Variants in PCDHAC2 observed in about 807,000 individuals in gnomAD.
PCDHAC2 encodes protocadherin alpha subfamily C, 2.
In PCDHAC2, 24 loss-of-function variants were observed where a neutral mutation model predicts 63.3. That is an observed-to-expected ratio of 0.38 (90% CI 0.27 to 0.53). The LOEUF (loss-of-function observed/expected upper bound fraction) is 0.53, where lower values mean the gene tolerates loss of function less well. PCDHAC2 is among the 20% of genes least tolerant of loss of function. The pLI, the probability that PCDHAC2 is intolerant of heterozygous loss-of-function variation, is 0.81. For missense variants in PCDHAC2, 1,181 were observed against 1,275.2 expected (o/e 0.93, Z 1.12); for synonymous variants, 569 against 529.4 (o/e 1.07, Z -1.03).
intron 3 of PCDHAC2, among the ~76,000 whole-genome samples, chr5:140,985,402 C>T (rs1554247027): frequency 6.6e-6 from 1 of 152,118 alleles, no homozygotes; most frequent in African/African-American, 2.4e-5. Context: ...CAACTGTTCC[C>T]CTGGAAATGG....
intron 3 of PCDHAC2, among the ~76,000 whole-genome samples, chr5:140,992,848 C>T (rs2097530967): frequency 6.6e-6 from 1 of 152,124 alleles, no homozygotes; most frequent in Non-Finnish European, 1.5e-5. Flanking sequence ...TGTATAACAA[C>T]CAGTTTCACT....
At chr5:140,978,048 C>T (rs2096787371) in intron 1 of PCDHAC2, among the ~76,000 whole-genome samples, 1 of 152,146 alleles carries the variant, frequency 6.6e-6, no homozygotes, top group African/African-American at 2.4e-5. Flanking sequence ...GTGATGGTGA[C>T]TGATGATGTC....
At chr5:140,997,656 T>G (rs2153947694) in intron 3 of PCDHAC2, among the ~76,000 whole-genome samples, 1 of 149,610 alleles carries the variant, frequency 6.7e-6, no homozygotes. Flanking sequence ...GCAATATGTA[T>G]TATTATACAG....
chr5:141,000,417 A>ATTT (rs1563652061), intron 3 of PCDHAC2, among the ~76,000 whole-genome samples: 30 of 77,716 alleles, frequency 3.9e-4, no homozygotes, highest in South Asian at 4.7e-4. Flanking sequence ...ATATATATAT[A>ATTT]TATATTTTTT....
chr5:141,011,662 G>C lies in PCDHAC2; in HGVS notation c.*1725G>C, dbSNP rs1166635893. On this transcript the variant is annotated 3_prime_UTR_variant, in exon 4 of 4. Coordinates refer to ENST00000289269, the MANE Select transcript of PCDHAC2 (RefSeq NM_018899.6). The stretch of plus-strand genomic sequence containing the variant: ...CAAGACTTCTGCTGGCAAGGGAATG[G>C]ATAAAGCTGTTTTGTTCTAGTAACA... 2.0e-5 allele frequency: 3 copies of C among 153,688 alleles called. No homozygotes were observed. Among genetic ancestry groups the C allele is most frequent in the African/African-American group, 7.2e-5 (3 of 41,414 alleles). The allele number at this position is 153,688 out of a possible 1,614,324, so 9.5% of individuals were successfully genotyped here.
At chr5:140,981,666 C>CT (rs1430989347) in intron 2 of PCDHAC2, among the ~76,000 whole-genome samples, 8 of 152,058 alleles carry the variant, frequency 5.3e-5, no homozygotes, top group Non-Finnish European at 1.0e-4. Flanking sequence ...TTCTTCCTTC[C>CT]TTTCTTCCTT....
In PCDHAC2 at chr5:141,007,573, TA is replaced by T. The variant is rs1265481031; in HGVS notation, c.2714-2048del. Among the ~76,000 whole-genome samples, 3 of 151,796 alleles carry T rather than the reference TA, an allele frequency of 2.0e-5. No homozygotes were observed. The East Asian group carries it at 5.8e-4, about 29-fold the overall frequency. On this transcript the variant is annotated intron_variant, in intron 3 of 3. Coordinates refer to ENST00000289269, the MANE Select transcript of PCDHAC2 (RefSeq NM_018899.6). ...ACAGAGCAAGGCTCTATCTCAAATTTAAAAAATAATAATCATGATAATAATA... is the reference window on the plus strand; with the variant it reads ...ACAGAGCAAGGCTCTATCTCAAATTTAAAAATAATAATCATGATAATAATA...
At chr5:140,971,435 T>A (rs1188604248) in intron 1 of PCDHAC2, among the ~76,000 whole-genome samples, 1 of 152,190 alleles carries the variant, frequency 6.6e-6, no homozygotes, top group Non-Finnish European at 1.5e-5. Flanking sequence ...AACCCCAAGA[T>A]CTACAGCTCC....
rs145968482 is a variant in PCDHAC2, at chr5:140,977,336, C to G, written c.2566-1613C>G. Among the ~76,000 whole-genome samples, 133 of 152,262 alleles carry G rather than the reference C, an allele frequency of 8.7e-4. 2 individuals carry two copies. The highest frequency in any genetic ancestry group is 3.9e-4 in the East Asian group (2 of 5,188). On this transcript the variant is annotated intron_variant, in intron 1 of 3. Coordinates refer to ENST00000289269, the MANE Select transcript of PCDHAC2 (RefSeq NM_018899.6). Reference sequence around the variant, plus strand: ...GTGCTCCTGATGGCGAGGGGAGAGACGGTGATGATGACTGATTGATAAAAA... The same window carrying G: ...GTGCTCCTGATGGCGAGGGGAGAGAGGGTGATGATGACTGATTGATAAAAA...
At chr5:140,999,526 C>G (rs1429753507) in intron 3 of PCDHAC2, among the ~76,000 whole-genome samples, 1 of 152,026 alleles carries the variant, frequency 6.6e-6, no homozygotes, top group Non-Finnish European at 1.5e-5. Context: ...TTTGTTACCC[C>G]CTGGATATGA....
chr5:140,979,434 A>G (rs1490433887), intron 2 of PCDHAC2, among the ~76,000 whole-genome samples: 1 of 151,986 alleles, frequency 6.6e-6, no homozygotes, highest in South Asian at 2.1e-4. Context: ...CACATTGGCT[A>G]TTACATCCTA....
At chr5:140,988,169 A>G (rs1384072642) in intron 3 of PCDHAC2, among the ~76,000 whole-genome samples, 3 of 152,128 alleles carry the variant, frequency 2.0e-5, no homozygotes. Flanking sequence ...TGTCATAGCA[A>G]TGACAGTCCT....
At chr5:140,987,990 C>T (rs57614084) in intron 3 of PCDHAC2, among the ~76,000 whole-genome samples, 1 of 152,190 alleles carries the variant, frequency 6.6e-6, no homozygotes, top group African/African-American at 2.4e-5. Context: ...GACTCCATCT[C>T]TGATCCTTCC....
chr5:140,995,498 CTG>C (rs1554254703), intron 3 of PCDHAC2, among the ~76,000 whole-genome samples: 5 of 152,150 alleles, frequency 3.3e-5, no homozygotes, highest in Non-Finnish European at 5.9e-5. Context: ...CTAAGGTTGA[CTG>C]TGGGTAACTG....
rs1357691419 is a variant in PCDHAC2, at chr5:140,966,683, G to A, written c.-84G>A. On this transcript the variant is annotated 5_prime_UTR_variant, in exon 1 of 4. Coordinates refer to ENST00000289269, the MANE Select transcript of PCDHAC2 (RefSeq NM_018899.6). ...GGAGCAGGCGCAGGGTGGCACGAGC[G>A]GAGGCGGGGCCCGGGCGTGGGGCAC... The A allele has an allele frequency of 7.5e-7, 1 of 1,331,590 alleles. No individual in the cohort carries two copies. 82.5% of individuals were successfully genotyped at this position (1,331,590 alleles called of 1,614,324 possible).
chr5:140,989,552 G>A (rs975079697), intron 3 of PCDHAC2, among the ~76,000 whole-genome samples: 33 of 152,180 alleles, frequency 2.2e-4, no homozygotes, highest in African/African-American at 7.7e-4. Context: ...ATTCCTTTAC[G>A]TTTTGTGGCT....
intron 3 of PCDHAC2, among the ~76,000 whole-genome samples, chr5:140,996,637 G>A (rs2097735642): frequency 6.6e-6 from 1 of 152,190 alleles, no homozygotes; most frequent in Admixed American, 6.5e-5. Flanking sequence ...TGCAAATTAT[G>A]TAGTTAATCC....
intron 3 of PCDHAC2, among the ~76,000 whole-genome samples, chr5:140,982,966 G>A (rs1407279371): frequency 6.6e-6 from 1 of 151,986 alleles, no homozygotes; most frequent in African/African-American, 2.4e-5. Flanking sequence ...CCCACCCAAA[G>A]TAGTAAGGAA....
At chr5:140,977,634 T>A (rs187884163) in intron 1 of PCDHAC2, among the ~76,000 whole-genome samples, 83 of 152,298 alleles carry the variant, frequency 5.4e-4, no homozygotes, top group African/African-American at 1.9e-3. Context: ...TTGTAACTTT[T>A]TCTGGGCCTT....
Sources: gnomAD v4.1 joint callset for allele counts (sites outside exome capture counted in the v4.1 genomes callset) on GRCh38, gnomAD v4.1.1 for gene constraint, MANE v1.5 for transcripts, NCBI Gene and HGNC (gene_info 2026-07-23, HGNC 2026-07-21) for gene names.